Variants in SCNN1D observed in about 807,000 individuals in gnomAD.
SCNN1D encodes epithelial sodium channel subunit delta.
A neutral mutation model predicts 87.8 loss-of-function variants in SCNN1D; 104 were observed. That is an observed-to-expected ratio of 1.18 (90% confidence interval 1.01 to 1.39). The LOEUF (loss-of-function observed/expected upper bound fraction) is 1.39. Among genes scored for constraint, SCNN1D ranks in the 40% most tolerant of loss-of-function variants. The pLI, the probability that SCNN1D is intolerant of heterozygous loss-of-function variation, is 0.00. For missense variants in SCNN1D, 1,324 were observed against 1,093.9 expected (o/e 1.21, Z -2.97); for synonymous variants, 628 against 481.2 (o/e 1.31, Z -3.99).
At chr1:1,284,807 C>T (rs1241353088) in intron 5 of SCNN1D, among the ~76,000 whole-genome samples, 1 of 152,094 alleles carries the variant, frequency 6.6e-6, no homozygotes, top group East Asian at 1.9e-4. Context: ...CTCACACACA[C>T]GCGCACATGC....
chr1:1,282,361 C>A lies in SCNN1D; in HGVS notation c.351+46C>A, dbSNP rs527546481. ...CAGAGCCATGGCTCTGCTGCTGGACCCTGTGGGGCTGGGCTCCCCCAGCCA... is the reference window on the plus strand; with the variant it reads ...CAGAGCCATGGCTCTGCTGCTGGACACTGTGGGGCTGGGCTCCCCCAGCCA... On this transcript the variant is annotated intron_variant, in intron 4 of 17. Coordinates refer to ENST00000379116, the MANE Select transcript of SCNN1D (RefSeq NM_001130413.4). 2.6e-5 allele frequency: 40 copies of A among 1,545,338 alleles called. No homozygotes were observed. In the African/African-American group the frequency reaches 4.4e-4, roughly 17 times the overall value.
chr1:1,281,688 C>T (rs942732475), intron 3 of SCNN1D, 78 bp downstream of exon 3: 102 of 1,324,206 alleles, frequency 7.7e-5, no homozygotes, highest in Non-Finnish European at 9.8e-5. Flanking sequence ...GTGATCCAGC[C>T]GAGATGTGCT....
In SCNN1D at chr1:1,290,494, C is replaced by G; in HGVS notation, c.1798C>G (p.Leu600Val). Reference protein sequence around the residue: ...HPAWGHCFYRLYQDLETHRLP... With the variant: ...HPAWGHCFYRVYQDLETHRLP... ...TCCCCAAGGACACTGCTTCTACCGC[C>G]TCTACCAGGACCTGGAGACCCACCG... Residue 600 changes from leucine to valine, a missense_variant, in exon 14 of 18, where the codon CTC becomes GTC. Transcript: ENST00000379116. 1 of 1,612,732 alleles carries G rather than the reference C, an allele frequency of 6.2e-7. No individual in the cohort carries two copies. The highest frequency in any genetic ancestry group is 8.5e-7 in the Non-Finnish European group (1 of 1,179,926).
Position 1,287,953 on chromosome 1 carries a change from G to C in SCNN1D, c.1578G>C (p.Arg526=). The change falls in exon 12 of 18, where the codon CGG becomes CGC. Residue 526 remains arginine (R), a synonymous_variant. Coordinates refer to ENST00000379116, the MANE Select transcript of SCNN1D (RefSeq NM_001130413.4). The part of the protein sequence containing the change: ...TISIREDEVH[R]LGSPYGHCTA... ...TCCCCTCCCAGGACGAGGTGCACCG[G>C]CTCGGGAGCCCCTACGGCCACTGCA... is the stretch of plus-strand genomic sequence containing the variant. 6.5e-7 allele frequency: 1 copy of C among 1,544,768 alleles called. No individual in the cohort carries two copies. The highest frequency in any genetic ancestry group is 8.7e-7 in the Non-Finnish European group (1 of 1,143,392).
At chr1:1,286,619 C>A in intron 7 of SCNN1D, 149 bp from the exon 8 acceptor site, 2 of 762,512 alleles carry the variant, frequency 2.6e-6, no homozygotes, top group East Asian at 2.7e-5. Flanking sequence ...CCGGCAGCCA[C>A]GGCCTCCAAC....
In SCNN1D at chr1:1,287,543, G is replaced by C; in HGVS notation, c.1346G>C (p.Ser449Thr). The C allele has an allele frequency of 6.5e-7, 1 of 1,535,510 alleles. No homozygotes were observed. The highest frequency in any genetic ancestry group is 1.3e-5 in the South Asian group (1 of 79,342). The change falls in exon 10 of 18, where the codon AGC becomes ACC. Residue 449 changes from serine (S) to threonine (T), a missense_variant. By Grantham distance (58) the Ser-to-Thr change is moderately conservative. Coordinates refer to ENST00000379116, the MANE Select transcript of SCNN1D (RefSeq NM_001130413.4). ...ACCTTCCACCACCCCACCTACGGCAGCTGCTACACGGTCGATGGCGTCTGG... is the reference window on the plus strand; with the variant it reads ...ACCTTCCACCACCCCACCTACGGCACCTGCTACACGGTCGATGGCGTCTGG... The part of the protein sequence containing the change: ...FRTFHHPTYG[S>T]CYTVDGVWTA...
chr1:1,285,821 G>C (rs1449496664), intron 6 of SCNN1D, 105 bp from the exon 7 acceptor site: 2 of 1,288,204 alleles, frequency 1.6e-6, no homozygotes, highest in Non-Finnish European at 1.1e-6. Flanking sequence ...CCGAGCGACC[G>C]AGCAGGTAGG....
chr1:1,282,087 C>G (rs576233181), intron 3 of SCNN1D, 155 bp from the exon 4 acceptor site: 2 of 625,586 alleles, frequency 3.2e-6, no homozygotes, highest in Admixed American at 2.7e-5. Flanking sequence ...GGGGCCCTGC[C>G]GCTGACCTGT....
Position 1,287,700 on chromosome 1 carries a change from A to G in SCNN1D, c.1427A>G (p.Gln476Arg). The change falls in exon 11 of 18, where the codon CAG becomes CGG. Residue 476 changes from glutamine (Q) to arginine (R), a missense_variant. Transcript: ENST00000379116. ...HGVGLVLRVE[Q>R]QPHLPLLSTL... ...GTCGGCCTGGTCCTCAGGGTTGAGCAGCAGCCTCACCTCCCTCTGCTGTCC... is the reference window on the plus strand; with the variant it reads ...GTCGGCCTGGTCCTCAGGGTTGAGCGGCAGCCTCACCTCCCTCTGCTGTCC... 6.2e-7 allele frequency: 1 copy of G among 1,610,980 alleles called. No individual in the cohort carries two copies. Among genetic ancestry groups the G allele is most frequent in the South Asian group, 1.1e-5 (1 of 90,866 alleles).
Position 1,291,643 on chromosome 1 carries a change from C to A in SCNN1D, c.*33C>A. On this transcript the variant is annotated 3_prime_UTR_variant, in exon 18 of 18. Coordinates refer to ENST00000379116, the MANE Select transcript of SCNN1D (RefSeq NM_001130413.4). The stretch of plus-strand genomic sequence containing the variant: ...CTGCCAGGGCTGTGCGATCTCTTGG[C>A]CTGGTCCTTGCAGCTGTGGCAGCAG... 1 of 1,453,924 alleles carries A rather than the reference C, an allele frequency of 6.9e-7. No individual in the cohort carries two copies. Among genetic ancestry groups the A allele is most frequent in the Non-Finnish European group, 9.2e-7 (1 of 1,087,656 alleles). 90.1% of individuals were successfully genotyped at this position (1,453,924 alleles called of 1,614,324 possible).
chr1:1,290,412 A>AATGC, intron 13 of SCNN1D, 24 bp downstream of exon 13: 4 of 1,608,522 alleles, frequency 2.5e-6, no homozygotes, highest in Non-Finnish European at 3.4e-6. Context: ...GCTGCCTCCC[A>AATGC]CTCTGTCAGC....
Position 1,286,268 on chromosome 1 carries a change from A to G in SCNN1D, c.901A>G (p.Asn301Asp). ...CCCGCTGGTCACCCTGTGTGACGGG[A>G]ACCCACGTCGGTGAGGGCCAGGGCT... ...LLPLVTLCDGNPRRPSPVLRH... is the reference protein window; with the variant it reads ...LLPLVTLCDGDPRRPSPVLRH... Residue 301 changes from asparagine (N) to aspartate (D), a missense_variant, in exon 7 of 18, where the codon AAC becomes GAC. By Grantham distance (23) the Asn-to-Asp change is conservative (BLOSUM62 1). Coordinates refer to ENST00000379116, the MANE Select transcript of SCNN1D (RefSeq NM_001130413.4). 1 of 1,581,400 alleles carries G rather than the reference A, an allele frequency of 6.3e-7. No individual in the cohort carries two copies. Among genetic ancestry groups the G allele is most frequent in the East Asian group, 2.3e-5 (1 of 43,988 alleles).
intron 5 of SCNN1D, among the ~76,000 whole-genome samples, chr1:1,285,074 C>T (rs994890264): frequency 5.9e-5 from 9 of 152,228 alleles, no homozygotes; most frequent in African/African-American, 2.2e-4. Context: ...GTGAGCAGAG[C>T]CATGTGCCCA....
intron 7 of SCNN1D, 102 bp downstream of exon 7, chr1:1,286,380 G>A (rs1640592210): frequency 1.3e-5 from 12 of 947,092 alleles, no homozygotes; most frequent in South Asian, 1.7e-5. Context: ...CCGAGGAGGG[G>A]GCTCTGTGTG....
At chr1:1,282,034 C>T (rs1355258292) in intron 3 of SCNN1D, 8 of 599,300 alleles carry the variant, frequency 1.3e-5, no homozygotes, top group Non-Finnish European at 2.1e-5. Flanking sequence ...ACAAAGCTGC[C>T]CAGATGTGGT....
At position 1,281,593 on chromosome 1, in the gene SCNN1D, T is replaced by TACAGGGGTGTGGG; in HGVS notation, c.266_277+1dup. 1 of 1,535,640 alleles carries TACAGGGGTGTGGG rather than the reference T, an allele frequency of 6.5e-7. No individual in the cohort carries two copies. Among genetic ancestry groups the TACAGGGGTGTGGG allele is most frequent in the African/African-American group, 1.4e-5 (1 of 73,176 alleles). ...CCCCTCTGCCTACTCTCTGGCCCGA[T>TACAGGGGTGTGGG]ACAGGGGTGTGGGACAGGTGACTGA... On this transcript the variant is annotated frameshift_variant, in exon 3 of 18. Coordinates refer to ENST00000379116, the MANE Select transcript of SCNN1D (RefSeq NM_001130413.4). LOFTEE classifies it high-confidence loss of function.
chr1:1,287,064 G>A (rs762323980), intron 8 of SCNN1D, 45 bp from the exon 9 acceptor site: 3 of 1,578,090 alleles, frequency 1.9e-6, no homozygotes, highest in East Asian at 2.3e-5. Context: ...GGGGAGCGGG[G>A]CCTGGGCTGT....
At position 1,291,087 on chromosome 1, in the gene SCNN1D, A is replaced by G. The variant is rs370813368; in HGVS notation, c.1999A>G (p.Ile667Val). 3.7e-6 allele frequency: 6 copies of G among 1,611,770 alleles called. No homozygotes were observed. In the African/African-American group the frequency reaches 4.0e-5, roughly 11 times the overall value. The change falls in exon 17 of 18, where the codon ATC becomes GTC. Residue 667 changes from isoleucine (I) to valine (V), a missense_variant. Transcript: ENST00000379116. Reference sequence around the variant, plus strand: ...CAGGAGCAGCCTGGCCAAAATCAACATCGTCTACCAGGAGCTCAACTACCG... The same window carrying G: ...CAGGAGCAGCCTGGCCAAAATCAACGTCGTCTACCAGGAGCTCAACTACCG... The part of the protein sequence containing the change: ...RQRSSLAKIN[I>V]VYQELNYRSV...
chr1:1,285,821 G>A (rs1449496664), intron 6 of SCNN1D, 105 bp from the exon 7 acceptor site: 9 of 1,288,084 alleles, frequency 7.0e-6, no homozygotes, highest in East Asian at 2.5e-5. Context: ...CCGAGCGACC[G>A]AGCAGGTAGG....
Sources: allele counts gnomAD v4.1 joint callset (sites outside exome capture counted in the v4.1 genomes callset), GRCh38; gene constraint gnomAD v4.1.1; transcripts MANE v1.5; gene names NCBI Gene and HGNC (gene_info 2026-07-23, HGNC 2026-07-21).